Variants in DIAPH3 observed in about 807,000 individuals in gnomAD.
The protein encoded by DIAPH3 is diaphanous related formin 3.
A neutral mutation model predicts 144.3 loss-of-function variants in DIAPH3; 117 were observed. The ratio of observed to expected loss-of-function variants is 0.81; its 90% confidence interval spans 0.70 to 0.95. The LOEUF (loss-of-function observed/expected upper bound fraction) is 0.95, where lower values mean the gene tolerates loss of function less well. Ranked by LOEUF, DIAPH3 falls within the 40% of genes least tolerant of loss-of-function variation. The pLI, the probability that DIAPH3 is intolerant of heterozygous loss-of-function variation, is 0.00. For missense variants in DIAPH3, 1,421 were observed against 1,412.7 expected (o/e 1.01, Z -0.09); for synonymous variants, 519 against 488.9 (o/e 1.06, Z -0.81).
chr13:59,690,950 C>T (rs1388686778), intron 27 of DIAPH3, among the ~76,000 whole-genome samples: 1 of 152,012 alleles, frequency 6.6e-6, no homozygotes, highest in Non-Finnish European at 1.5e-5. Flanking sequence ...ACTGCAGAAG[C>T]AAAGAGGACA....
At chr13:59,729,576 T>A (rs1260474641) in intron 27 of DIAPH3, among the ~76,000 whole-genome samples, 1 of 152,060 alleles carries the variant, frequency 6.6e-6, no homozygotes, top group African/African-American at 2.4e-5. Context: ...GTATCTTGAT[T>A]GTGATGTTAG....
chr13:59,727,281 G>A lies in DIAPH3; in HGVS notation c.3319+46908C>T, dbSNP rs950854281. Among the ~76,000 whole-genome samples the A allele has an allele frequency of 3.3e-5, 5 of 151,480 alleles. No homozygotes were observed. In the Admixed American group the frequency reaches 3.3e-4, roughly 10 times the overall value. On this transcript the variant is annotated intron_variant, in intron 27 of 27. Coordinates refer to ENST00000400324, the MANE Select transcript of DIAPH3 (RefSeq NM_001042517.2). ...GATAATTAGGTCCAATATCCCTGAG[G>A]TCACATAGAGCAAAAAAAAAACAAT...
intron 1 of DIAPH3, among the ~76,000 whole-genome samples, chr13:60,145,683 G>A (rs1348428081): frequency 6.6e-6 from 1 of 152,040 alleles, no homozygotes; most frequent in Non-Finnish European, 1.5e-5. Context: ...TGGGCATGGA[G>A]GGGGGTTGCA....
At chr13:59,979,266 T>C (rs2050849264) in intron 14 of DIAPH3, among the ~76,000 whole-genome samples, 1 of 151,616 alleles carries the variant, frequency 6.6e-6, no homozygotes, top group African/African-American at 2.4e-5. Flanking sequence ...CATTCATATA[T>C]ACTATATACC....
intron 4 of DIAPH3, among the ~76,000 whole-genome samples, chr13:60,061,405 A>G (rs938685230): frequency 6.6e-6 from 1 of 152,142 alleles, no homozygotes. Context: ...GCTGTATGTT[A>G]GAAATACATT....
intron 17 of DIAPH3, among the ~76,000 whole-genome samples, chr13:59,959,621 C>T (rs1305061213): frequency 6.6e-6 from 1 of 152,110 alleles, no homozygotes; most frequent in Non-Finnish European, 1.5e-5. Flanking sequence ...CTATTGCTGG[C>T]TTTGATGATA....
intron 25 of DIAPH3, among the ~76,000 whole-genome samples, chr13:59,778,819 G>A (rs2038564321): frequency 6.6e-6 from 1 of 152,198 alleles, no homozygotes; most frequent in Non-Finnish European, 1.5e-5. Flanking sequence ...ATGCATTACT[G>A]ATAAGTAAGT....
At chr13:60,067,154 A>C (rs543118819) in intron 4 of DIAPH3, among the ~76,000 whole-genome samples, 2 of 152,104 alleles carry the variant, frequency 1.3e-5, no homozygotes, top group South Asian at 4.2e-4. Context: ...GCATGGTGGC[A>C]TATGCCTGTA....
chr13:60,163,376 A>C (rs1467438887), intron 1 of DIAPH3, among the ~76,000 whole-genome samples: 4 of 152,226 alleles, frequency 2.6e-5, no homozygotes, highest in Non-Finnish European at 5.9e-5. Flanking sequence ...TTTTCACATC[A>C]GCGTTAAGAA....
intron 3 of DIAPH3, among the ~76,000 whole-genome samples, chr13:60,103,323 C>G (rs908094796): frequency 1.3e-5 from 2 of 151,968 alleles, no homozygotes; most frequent in Non-Finnish European, 2.9e-5. Context: ...TTTTGCAAGA[C>G]AGCATGCTCA....
intron 20 of DIAPH3, among the ~76,000 whole-genome samples, chr13:59,884,994 G>T (rs1018490411): frequency 1.2e-4 from 18 of 152,108 alleles, no homozygotes; most frequent in African/African-American, 4.3e-4. Context: ...AATATTAAAA[G>T]GCTAAAATGT....
intron 13 of DIAPH3, among the ~76,000 whole-genome samples, chr13:59,982,301 C>T (rs937751067): frequency 6.6e-5 from 10 of 151,324 alleles, no homozygotes; most frequent in Non-Finnish European, 1.5e-4. Context: ...TCTCAGCTGC[C>T]ATTCCTAAAT....
intron 22 of DIAPH3, among the ~76,000 whole-genome samples, chr13:59,852,794 G>A (rs1382681745): frequency 6.6e-6 from 1 of 152,148 alleles, no homozygotes; most frequent in African/African-American, 2.4e-5. Flanking sequence ...CACACAGTTG[G>A]AATCTGTTCA....
rs190700054 is a variant in DIAPH3 at position 59,885,023 on chromosome 13, A to G, written c.2368-5555T>C. 1.6e-4 allele frequency among the ~76,000 whole-genome samples: 24 copies of G among 152,302 alleles called. 1 individual carries two copies. The highest frequency in any genetic ancestry group is 3.4e-3 in the Middle Eastern group (1 of 294). ...AAAATGTATATTCCTCCACTTAGTC[A>G]AGAAATAAACAATTGGCTATAGACA... On this transcript the variant is annotated intron_variant, in intron 20 of 27. Coordinates refer to ENST00000400324, the MANE Select transcript of DIAPH3 (RefSeq NM_001042517.2).
intron 25 of DIAPH3, 121 bp from the exon 26 acceptor site, chr13:59,774,944 G>T: frequency 1.3e-6 from 1 of 786,410 alleles, no homozygotes; most frequent in Non-Finnish European, 2.2e-6. Flanking sequence ...CCAGGACTAA[G>T]CTAGCAATTT....
chr13:59,946,012 G>A lies in DIAPH3; in HGVS notation c.2075-21142C>T, dbSNP rs111809679. Reference sequence around the variant, plus strand: ...AGTAGGCAGTGAGTTACAGAGAGCTGTCTCCATAGTGGACATAAAAAATAA... The same window carrying A: ...AGTAGGCAGTGAGTTACAGAGAGCTATCTCCATAGTGGACATAAAAAATAA... On this transcript the variant is annotated intron_variant, in intron 17 of 27. Transcript: ENST00000400324. Among the ~76,000 whole-genome samples, 669 of 152,280 alleles carry A rather than the reference G, an allele frequency of 4.4e-3. 9 individuals are homozygous for A. Among genetic ancestry groups the A allele is most frequent in the Middle Eastern group, 0.017 (5 of 294 alleles).
chr13:59,900,654 G>A (rs2046378674), intron 20 of DIAPH3, among the ~76,000 whole-genome samples: 1 of 152,108 alleles, frequency 6.6e-6, no homozygotes, highest in Non-Finnish European at 1.5e-5. Flanking sequence ...GCCCTTCACT[G>A]CCTCTTGTGT....
intron 2 of DIAPH3, among the ~76,000 whole-genome samples, chr13:60,132,377 T>C (rs1253388041): frequency 6.6e-6 from 1 of 152,180 alleles, no homozygotes; most frequent in Non-Finnish European, 1.5e-5. Flanking sequence ...TTTGTTGTTG[T>C]TCTTCTTGTT....
At chr13:59,734,578 C>G (rs1464579055) in intron 27 of DIAPH3, among the ~76,000 whole-genome samples, 2 of 152,136 alleles carry the variant, frequency 1.3e-5, no homozygotes, top group East Asian at 1.9e-4. Context: ...AAGCTCAAGT[C>G]ATTCGGAGCC....
Sources: allele counts gnomAD v4.1 joint callset (sites outside exome capture counted in the v4.1 genomes callset), GRCh38; gene constraint gnomAD v4.1.1; transcripts MANE v1.5; gene names NCBI Gene and HGNC (gene_info 2026-07-23, HGNC 2026-07-21).